Variants in MYCN observed in about 807,000 individuals in gnomAD.
MYCN encodes MYCN proto-oncogene, bHLH transcription factor.
A neutral mutation model predicts 28.1 loss-of-function variants in MYCN; 3 were observed. The observed-to-expected ratio is 0.11, with a 90% CI of 0.05 to 0.28. The LOEUF (loss-of-function observed/expected upper bound fraction) is 0.28, where lower values mean the gene tolerates loss of function less well. Ranked by LOEUF, MYCN falls within the 10% of genes least tolerant of loss-of-function variation. The pLI, the probability that MYCN is intolerant of heterozygous loss-of-function variation, is 1.00. For synonymous variants in MYCN, 326 were observed against 288.3 expected, an observed-to-expected ratio of 1.13 and a Z score of -1.32; for missense variants, 572 against 651.4, an observed-to-expected ratio of 0.88 and a Z score of 1.33.
rs906575613 is a variant in MYCN at position 15,942,054 on chromosome 2, G to C, written c.-11G>C. 9 of 1,613,208 alleles carry C rather than the reference G, an allele frequency of 5.6e-6. No homozygotes were observed. Among genetic ancestry groups the C allele is most frequent in the African/African-American group, 4.0e-5 (3 of 74,928 alleles). On this transcript the variant is annotated 5_prime_UTR_variant, in exon 2 of 3. Coordinates refer to ENST00000281043, the MANE Select transcript of MYCN (RefSeq NM_005378.6). This position sits in a 1 kb window ranked among gnomAD's most constrained non-coding sequence, Gnocchi z 7.0. ...AAAGAAGCCCTCAGTCGCCGGCCGG[G>C]AGGCGAGCCGATGCCGAGCTGCTCC... is the stretch of plus-strand genomic sequence containing the variant.
chr2:15,941,735 C>T lies in MYCN; in HGVS notation c.-117-213C>T. On this transcript the variant is annotated intron_variant, in intron 1 of 2. Transcript: ENST00000281043. This position sits in a 1 kb window ranked among gnomAD's most constrained non-coding sequence, Gnocchi z 4.8. ...CGCCACCACCCCCTGCATCTGCATG[C>T]CCCCTCCCACCCCCTGTCGTAGACA... The T allele has an allele frequency of 2.1e-6, 1 of 466,136 alleles. No homozygotes were observed. The highest frequency in any genetic ancestry group is 3.9e-6 in the Non-Finnish European group (1 of 257,088). 28.9% of individuals were successfully genotyped at this position (466,136 alleles called of 1,614,324 possible).
chr2:15,945,494 T>A lies in MYCN; in HGVS notation c.792T>A (p.Asp264Glu). ...TSGEDTLSDS[D>E]DEDDEEEDEE... ...GAGTAACTAGCATCTTTCTCTCAGA[T>A]GATGAAGATGATGAAGAGGAAGATG... Residue 264 changes from aspartate to glutamate, a missense_variant and splice_region_variant, in exon 3 of 3, where the codon GAT becomes GAA. Physicochemically the swap from Asp to Glu is conservative, Grantham distance 45. This residue lies in a region of MYCN where 499 missense variants were observed against 524.3 expected (regional missense o/e 0.95). Transcript: ENST00000281043. The surrounding 1 kb of genome is among the most constrained non-coding windows in gnomAD (Gnocchi z 4.8). 6.2e-7 allele frequency: 1 copy of A among 1,603,876 alleles called. No individual in the cohort carries two copies. The highest frequency in any genetic ancestry group is 1.1e-5 in the South Asian group (1 of 89,316).
Position 15,942,514 on chromosome 2 carries a change from G to T in MYCN, c.450G>T (p.Pro150=). The T allele has an allele frequency of 1.4e-6, 2 of 1,447,228 alleles. No homozygotes were observed. Among genetic ancestry groups the T allele is most frequent in the Non-Finnish European group, 1.8e-6 (2 of 1,105,148 alleles). 89.6% of individuals were successfully genotyped at this position (1,447,228 alleles called of 1,614,324 possible). ...PPTAGSTAQS[P]GAGAASPAGR... ...CCGCCGGTTCCACCGCCCAGTCCCC[G>T]GGAGCCGGCGCCGCCAGCCCTGCGG... is the stretch of plus-strand genomic sequence containing the variant. The change falls in exon 2 of 3, where the codon CCG becomes CCT. Residue 150 remains proline (P), a synonymous_variant. Transcript: ENST00000281043. This position sits in a 1 kb window ranked among gnomAD's most constrained non-coding sequence, Gnocchi z 7.0.
rs2103330521 is a variant in MYCN at position 15,945,574 on chromosome 2, C to T, written c.872C>T (p.Thr291Ile). Reference protein sequence around the residue: ...TVEKRRSSSNTKAVTTFTITV... With the variant: ...TVEKRRSSSNIKAVTTFTITV... ...GAGAAGCGGCGTTCCTCCTCCAACA[C>T]CAAGGCTGTCACCACATTCACCATC... Residue 291 changes from threonine to isoleucine, a missense_variant, in exon 3 of 3, where the codon ACC becomes ATC. Physicochemically the swap from Thr to Ile is moderately conservative, Grantham distance 89 (BLOSUM62 -1). Around this residue, in one of 3 missense-constraint regions of MYCN, gnomAD observed 499 missense variants for 524.3 expected, o/e 0.95. Coordinates refer to ENST00000281043, the MANE Select transcript of MYCN (RefSeq NM_005378.6). The surrounding 1 kb of genome is among the most constrained non-coding windows in gnomAD (Gnocchi z 4.8). 6.2e-7 allele frequency: 1 copy of T among 1,614,126 alleles called. No homozygotes were observed. The highest frequency in any genetic ancestry group is 1.1e-5 in the South Asian group (1 of 91,074).
chr2:15,940,772 G>T, intron 1 of MYCN, 29 bp downstream of exon 1: 1 of 392,078 alleles, frequency 2.6e-6, no homozygotes, highest in Non-Finnish European at 4.5e-6. Flanking sequence ...AAACCGCCCG[G>T]CGCCCAGGGA....
Position 15,941,718 on chromosome 2 carries a change from C to G in MYCN, c.-117-230C>G, listed in dbSNP as rs1572216251. 1 of 432,054 alleles carries G rather than the reference C, an allele frequency of 2.3e-6. No homozygotes were observed. 26.8% of individuals were successfully genotyped at this position (432,054 alleles called of 1,614,324 possible). A position where few individuals can be genotyped will look rare whatever the true frequency, so the allele number is the denominator to read the frequency against. On this transcript the variant is annotated intron_variant, in intron 1 of 2. Coordinates refer to ENST00000281043, the MANE Select transcript of MYCN (RefSeq NM_005378.6). The surrounding 1 kb of genome is among the most constrained non-coding windows in gnomAD (Gnocchi z 4.8). ...CCAAAGTTGCGGAGCCTCGCCACCA[C>G]CCCCTGCATCTGCATGCCCCCTCCC...
In MYCN at chr2:15,946,665, G is replaced by A. The variant is rs886255192; in HGVS notation, c.*568G>A. On this transcript the variant is annotated 3_prime_UTR_variant, in exon 3 of 3. Coordinates refer to ENST00000281043, the MANE Select transcript of MYCN (RefSeq NM_005378.6). ...ATATTGTTAATCTCTGTTATGTACT[G>A]TACTAATTCTTACACTGCCTGTATA... is the stretch of plus-strand genomic sequence containing the variant. 3 of 241,794 alleles carry A rather than the reference G, an allele frequency of 1.2e-5. No homozygotes were observed. Among genetic ancestry groups the A allele is most frequent in the Admixed American group, 5.0e-5 (1 of 20,020 alleles). 15.0% of individuals were successfully genotyped at this position (241,794 alleles called of 1,614,324 possible). A position where few individuals can be genotyped will look rare whatever the true frequency, so the allele number is the denominator to read the frequency against.
chr2:15,946,171 C>T lies in MYCN; in HGVS notation c.*74C>T, dbSNP rs2103332508. ...TTTTTTTAAACAAACATTGTGTTGA[C>T]ATTAAGAATGTTGGTTTACTTTCAA... On this transcript the variant is annotated 3_prime_UTR_variant, in exon 3 of 3. Transcript: ENST00000281043. 2 of 1,604,260 alleles carry T rather than the reference C, an allele frequency of 1.2e-6. No individual in the cohort carries two copies. The highest frequency in any genetic ancestry group is 1.7e-6 in the Non-Finnish European group (2 of 1,172,580).
At chr2:15,944,889 C>T (rs1662818839) in intron 2 of MYCN, among the ~76,000 whole-genome samples, 1 of 152,152 alleles carries the variant, frequency 6.6e-6, no homozygotes, top group Non-Finnish European at 1.5e-5. Context: ...ATATTTATTT[C>T]TACCACCTGC....
chr2:15,946,616 G>A lies in MYCN; in HGVS notation c.*519G>A. ...GTACTGTAATAATACCTCAATGTTT[G>A]AGGAGCATGTTTTGTATACAAATAT... On this transcript the variant is annotated 3_prime_UTR_variant, in exon 3 of 3. Transcript: ENST00000281043. 3.6e-6 allele frequency: 1 copy of A among 276,094 alleles called. No individual in the cohort carries two copies. Among genetic ancestry groups the A allele is most frequent in the Non-Finnish European group, 7.0e-6 (1 of 142,814 alleles). 17.1% of individuals were successfully genotyped at this position (276,094 alleles called of 1,614,324 possible).
Position 15,941,989 on chromosome 2 carries a change from C to A in MYCN, c.-76C>A. The A allele has an allele frequency of 6.3e-7, 1 of 1,579,632 alleles. No individual in the cohort carries two copies. The highest frequency in any genetic ancestry group is 8.6e-7 in the Non-Finnish European group (1 of 1,160,002). On this transcript the variant is annotated 5_prime_UTR_variant, in exon 2 of 3. Transcript: ENST00000281043. This position sits in a 1 kb window ranked among gnomAD's most constrained non-coding sequence, Gnocchi z 4.8. ...CGGCCCCCGCCTTCCGCGCCCCCCA[C>A]GGGAAGGAAGCACCCCCGGTATTAA...
rs1324334894 is a variant in MYCN, at chr2:15,945,771, C to T, written c.1069C>T (p.Arg357Cys). The T allele has an allele frequency of 1.9e-6, 3 of 1,614,110 alleles. No homozygotes were observed. Among genetic ancestry groups the T allele is most frequent in the Non-Finnish European group, 2.5e-6 (3 of 1,180,022 alleles). The change falls in exon 3 of 3, where the codon CGT becomes TGT. Residue 357 changes from arginine (R) to cysteine (C), a missense_variant. Physicochemically the swap from Arg to Cys is radical, Grantham distance 180. Coordinates refer to ENST00000281043, the MANE Select transcript of MYCN (RefSeq NM_005378.6). This position sits in a 1 kb window ranked among gnomAD's most constrained non-coding sequence, Gnocchi z 4.8. Reference sequence around the variant, plus strand: ...GAAGATAAAGAGCGAGGCGTCCCCACGTCCGCTCAAGAGTGTCATCCCCCC... The same window carrying T: ...GAAGATAAAGAGCGAGGCGTCCCCATGTCCGCTCAAGAGTGTCATCCCCCC... ...QKKIKSEASP[R>C]PLKSVIPPKA... is the part of the protein sequence containing the mutation.
At position 15,946,184 on chromosome 2, in the gene MYCN, G is replaced by A. The variant is rs2103332536; in HGVS notation, c.*87G>A. ...ACATTGTGTTGACATTAAGAATGTT[G>A]GTTTACTTTCAAATCGGTCCCCTGT... On this transcript the variant is annotated 3_prime_UTR_variant, in exon 3 of 3. Coordinates refer to ENST00000281043, the MANE Select transcript of MYCN (RefSeq NM_005378.6). 2 of 1,588,910 alleles carry A rather than the reference G, an allele frequency of 1.3e-6. No individual in the cohort carries two copies. The highest frequency in any genetic ancestry group is 8.6e-7 in the Non-Finnish European group (1 of 1,160,212).
rs2103325016 is a variant in MYCN, at chr2:15,942,508, G to C, written c.444G>C (p.Gln148His). 3 of 1,471,498 alleles carry C rather than the reference G, an allele frequency of 2.0e-6. No individual in the cohort carries two copies. Among genetic ancestry groups the C allele is most frequent in the Non-Finnish European group, 2.7e-6 (3 of 1,117,944 alleles). The allele number at this position is 1,471,498 out of a possible 1,614,324, so 91.2% of individuals were successfully genotyped here. Reference protein sequence around the residue: ...RGPPTAGSTAQSPGAGAASPA... With the variant: ...RGPPTAGSTAHSPGAGAASPA... ...CGCCAACCGCCGGTTCCACCGCCCA[G>C]TCCCCGGGAGCCGGCGCCGCCAGCC... Residue 148 changes from glutamine (Q) to histidine (H), a missense_variant, in exon 2 of 3, where the codon CAG (glutamine) becomes CAC (histidine). Physicochemically the swap from Gln to His is conservative, Grantham distance 24. Around this residue, in one of 3 missense-constraint regions of MYCN, gnomAD observed 499 missense variants for 524.3 expected, o/e 0.95. Transcript: ENST00000281043. This position sits in a 1 kb window ranked among gnomAD's most constrained non-coding sequence, Gnocchi z 7.0.
Position 15,942,566 on chromosome 2 carries a change from G to C in MYCN, c.502G>C (p.Ala168Pro). The C allele has an allele frequency of 9.1e-7, 1 of 1,093,488 alleles. No individual in the cohort carries two copies. Among genetic ancestry groups the C allele is most frequent in the Non-Finnish European group, 1.1e-6 (1 of 902,046 alleles). The allele number at this position is 1,093,488 out of a possible 1,614,324, so 67.7% of individuals were successfully genotyped here. A position where few individuals can be genotyped will look rare whatever the true frequency, so the allele number is the denominator to read the frequency against. The stretch of plus-strand genomic sequence containing the variant: ...TCGCGGGCACGGCGGGGCTGCGGGA[G>C]CCGGCCGCGCCGGGGCCGCCCTGCC... Reference protein sequence around the residue: ...AGRGHGGAAGAGRAGAALPAE... With the variant: ...AGRGHGGAAGPGRAGAALPAE... Residue 168 changes from alanine to proline, a missense_variant, in exon 2 of 3, where the codon GCC becomes CCC. Physicochemically the swap from Ala to Pro is conservative, Grantham distance 27. Transcript: ENST00000281043. The surrounding 1 kb of genome is among the most constrained non-coding windows in gnomAD (Gnocchi z 7.0).
At position 15,940,722 on chromosome 2, in the gene MYCN, G is replaced by A; in HGVS notation, c.-139G>A. 1 of 388,326 alleles carries A rather than the reference G, an allele frequency of 2.6e-6. No homozygotes were observed. The highest frequency in any genetic ancestry group is 4.5e-5 in the Admixed American group (1 of 22,366). 24.1% of individuals were successfully genotyped at this position (388,326 alleles called of 1,614,324 possible). On this transcript the variant is annotated 5_prime_UTR_variant, in exon 1 of 3. Coordinates refer to ENST00000281043, the MANE Select transcript of MYCN (RefSeq NM_005378.6). ...AGACACCCGCGCAGAATCGCCTCCG[G>A]ATCCCCTGCAGTCGGCGGGAGGTAA...
At chr2:15,940,922 C>A (rs1485613264) in intron 1 of MYCN, 179 bp downstream of exon 1, 1 of 396,604 alleles carries the variant, frequency 2.5e-6, no homozygotes, top group Non-Finnish European at 4.4e-6. Flanking sequence ...GTTCCAGCCC[C>A]GAAGGCATCC....
In MYCN at chr2:15,942,774, C is replaced by T. The variant is rs767711936; in HGVS notation, c.710C>T (p.Pro237Leu). The part of the protein sequence containing the change: ...APAGAPGVAP[P>L]RPGGRQTSGG... Reference sequence around the variant, plus strand: ...GCCGGGGCCCCGGGGGTCGCCCCTCCGCGCCCAGGCGGCCGCCAGACCAGC... The same window carrying T: ...GCCGGGGCCCCGGGGGTCGCCCCTCTGCGCCCAGGCGGCCGCCAGACCAGC... Residue 237 changes from proline (P) to leucine (L), a missense_variant, in exon 2 of 3, where the codon CCG becomes CTG. Around this residue, in one of 3 missense-constraint regions of MYCN, gnomAD observed 499 missense variants for 524.3 expected, o/e 0.95. Coordinates refer to ENST00000281043, the MANE Select transcript of MYCN (RefSeq NM_005378.6). The surrounding 1 kb of genome is among the most constrained non-coding windows in gnomAD (Gnocchi z 7.0). 797 of 1,468,464 alleles carry T rather than the reference C, an allele frequency of 5.4e-4. No homozygotes were observed. The highest frequency in any genetic ancestry group is 6.6e-4 in the Non-Finnish European group (733 of 1,111,954). 91.0% of individuals were successfully genotyped at this position (1,468,464 alleles called of 1,614,324 possible). A position where few individuals can be genotyped will look rare whatever the true frequency, so the allele number is the denominator to read the frequency against.
rs1224424941 is a variant in MYCN, at chr2:15,942,740, G to T, written c.676G>T (p.Ala226Ser). Residue 226 changes from alanine to serine, a missense_variant, in exon 2 of 3, where the codon GCC becomes TCC. Physicochemically the swap from Ala to Ser is moderately conservative, Grantham distance 99 (BLOSUM62 1). Coordinates refer to ENST00000281043, the MANE Select transcript of MYCN (RefSeq NM_005378.6). The surrounding 1 kb of genome is among the most constrained non-coding windows in gnomAD (Gnocchi z 7.0). Reference sequence around the variant, plus strand: ...TGCGGTCGCCTCGGGGGCGGGTATTGCCGCCCCAGCCGGGGCCCCGGGGGT... The same window carrying T: ...TGCGGTCGCCTCGGGGGCGGGTATTTCCGCCCCAGCCGGGGCCCCGGGGGT... ...GPAVASGAGI[A>S]APAGAPGVAP... 2 of 1,338,418 alleles carry T rather than the reference G, an allele frequency of 1.5e-6. No individual in the cohort carries two copies. Among genetic ancestry groups the T allele is most frequent in the East Asian group, 3.2e-5 (1 of 31,106 alleles). 82.9% of individuals were successfully genotyped at this position (1,338,418 alleles called of 1,614,324 possible).
Sources: allele counts gnomAD v4.1 joint callset (sites outside exome capture counted in the v4.1 genomes callset), GRCh38; gene constraint gnomAD v4.1.1; regional missense constraint gnomAD v4.1.1; non-coding constraint Gnocchi (gnomAD v3.1); transcripts MANE v1.5; gene names NCBI Gene and HGNC (gene_info 2026-07-23, HGNC 2026-07-21).